Variants in PTPRD observed in about 807,000 individuals in gnomAD.
PTPRD encodes the protein protein tyrosine phosphatase receptor type D, also known as receptor-type tyrosine-protein phosphatase delta.
In PTPRD, 34 loss-of-function variants were observed where a neutral mutation model predicts 214.5. The observed-to-expected ratio is 0.16, with a 90% CI of 0.12 to 0.21. The LOEUF (loss-of-function observed/expected upper bound fraction) is 0.21, where lower values mean the gene tolerates loss of function less well. Among genes scored for constraint, PTPRD ranks in the 10% least tolerant of loss-of-function variants. PTPRD has a pLI of 1.00. For missense variants in PTPRD, 2,545 were observed against 2,398.7 expected (o/e 1.06, Z -1.27); for synonymous variants, 1,128 against 845.7 (o/e 1.33, Z -5.79).
chr9:8,730,368 G>T (rs1387715626), intron 12 of PTPRD, among the ~76,000 whole-genome samples: 1 of 152,146 alleles, frequency 6.6e-6, no homozygotes, highest in East Asian at 1.9e-4. Flanking sequence ...GTGGAAAAAT[G>T]ACAAAAAGCA....
At chr9:10,530,954 AT>A (rs976744631) in intron 2 of PTPRD, among the ~76,000 whole-genome samples, 101 of 146,192 alleles carry the variant, frequency 6.9e-4, no homozygotes, top group East Asian at 1.2e-3. Flanking sequence ...TCAGTAGACA[AT>A]TTTTTTTTTT....
intron 5 of PTPRD, among the ~76,000 whole-genome samples, chr9:9,797,427 A>G (rs2099010029): frequency 6.6e-6 from 1 of 152,056 alleles, no homozygotes; most frequent in Non-Finnish European, 1.5e-5. Flanking sequence ...GTAGTAGTTA[A>G]GATTAGAAGG....
chr9:8,816,310 G>C (rs1426366262), intron 11 of PTPRD, among the ~76,000 whole-genome samples: 2 of 152,154 alleles, frequency 1.3e-5, no homozygotes, highest in African/African-American at 4.8e-5. Flanking sequence ...GTCTGCGAGA[G>C]GCTCCTATTA....
At chr9:9,461,440 T>C (rs561236811) in intron 8 of PTPRD, among the ~76,000 whole-genome samples, 4 of 151,998 alleles carry the variant, frequency 2.6e-5, no homozygotes, top group African/African-American at 2.4e-5. Context: ...TCAAGTCAAG[T>C]AGCCCAGGGA....
At chr9:9,485,369 A>G (rs2095584197) in intron 8 of PTPRD, among the ~76,000 whole-genome samples, 1 of 152,218 alleles carries the variant, frequency 6.6e-6, no homozygotes, top group Admixed American at 6.5e-5. Context: ...GGAATAAAAA[A>G]TAATATTCAT....
intron 8 of PTPRD, among the ~76,000 whole-genome samples, chr9:9,418,850 T>A (rs1367542180): frequency 1.3e-5 from 2 of 151,920 alleles, no homozygotes; most frequent in East Asian, 3.8e-4. Flanking sequence ...GAAGAAATGA[T>A]TAATTTTGCA....
At chr9:10,223,692 A>ATT (rs75442623) in intron 3 of PTPRD, among the ~76,000 whole-genome samples, 35 of 147,166 alleles carry the variant, frequency 2.4e-4, no homozygotes, top group African/African-American at 7.1e-4. Context: ...TAATAATAAT[A>ATT]ATAATAATAA....
chr9:9,237,711 C>T (rs2099967768), intron 9 of PTPRD, among the ~76,000 whole-genome samples: 1 of 151,928 alleles, frequency 6.6e-6, no homozygotes, highest in Non-Finnish European at 1.5e-5. Flanking sequence ...TTTTTGTAGG[C>T]CTCTCTCTTC....
intron 9 of PTPRD, among the ~76,000 whole-genome samples, chr9:9,319,771 T>C (rs1595722056): frequency 1.3e-5 from 2 of 152,160 alleles, no homozygotes; most frequent in South Asian, 4.1e-4. Flanking sequence ...GTAGTGATAA[T>C]TAAAATAAGA....
intron 9 of PTPRD, among the ~76,000 whole-genome samples, chr9:9,241,235 T>C (rs1018578684): frequency 6.6e-6 from 1 of 152,192 alleles, no homozygotes; most frequent in African/African-American, 2.4e-5. Context: ...TTTTAAGCTA[T>C]CTATTTGTTA....
chr9:10,457,530 A>G (rs1029182472), intron 2 of PTPRD, among the ~76,000 whole-genome samples: 2 of 152,028 alleles, frequency 1.3e-5, no homozygotes, highest in Non-Finnish European at 2.9e-5. Flanking sequence ...TTCTTCTACT[A>G]TTGACAGACA....
At chr9:8,733,411 TAAAG>T (rs1318652150) in intron 12 of PTPRD, among the ~76,000 whole-genome samples, 1 of 152,122 alleles carries the variant, frequency 6.6e-6, no homozygotes. Flanking sequence ...TCCACAAAAA[TAAAG>T]AAATTTTGAG....
chr9:8,793,088 G>T (rs1181870006), intron 11 of PTPRD, among the ~76,000 whole-genome samples: 4 of 152,194 alleles, frequency 2.6e-5, no homozygotes, highest in Admixed American at 2.6e-4. Context: ...TACCTGGGTA[G>T]CCAGCCTCCT....
rs199989782 is a variant in PTPRD at position 8,821,373 on chromosome 9, T to A, written c.-103-87427A>T. ...GACTCCTGTTACCTGCTGTGCTGAA[T>A]GTGGGTGCCATAGTCTACCCCACGC... On this transcript the variant is annotated intron_variant, in intron 11 of 45. Transcript: ENST00000381196. 9.2e-5 allele frequency among the ~76,000 whole-genome samples: 14 copies of A among 152,308 alleles called. No individual in the cohort carries two copies. The East Asian group carries it at 2.7e-3, about 29-fold the overall frequency.
intron 11 of PTPRD, among the ~76,000 whole-genome samples, chr9:8,749,945 T>C (rs1038410817): frequency 4.0e-5 from 6 of 151,586 alleles, no homozygotes; most frequent in Non-Finnish European, 7.4e-5. Flanking sequence ...CTCCTAAAAA[T>C]ACAAAAAATG....
intron 5 of PTPRD, among the ~76,000 whole-genome samples, chr9:9,837,976 T>C (rs149513335): frequency 6.6e-6 from 1 of 152,132 alleles, no homozygotes; most frequent in Non-Finnish European, 1.5e-5. Flanking sequence ...TGTCCATGTG[T>C]TCTCATTGCT....
At chr9:8,357,864 A>G (rs1178346415) in intron 39 of PTPRD, among the ~76,000 whole-genome samples, 3 of 152,168 alleles carry the variant, frequency 2.0e-5, no homozygotes, top group Non-Finnish European at 2.9e-5. Context: ...ACCCTGACAA[A>G]ATGAATGTAA....
At chr9:8,512,050 A>T (rs2097693366) in intron 21 of PTPRD, among the ~76,000 whole-genome samples, 1 of 152,142 alleles carries the variant, frequency 6.6e-6, no homozygotes, top group Non-Finnish European at 1.5e-5. Flanking sequence ...GCTAAACAAC[A>T]GTTTCATCTT....
intron 9 of PTPRD, among the ~76,000 whole-genome samples, chr9:9,282,873 C>G (rs1948194041): frequency 6.6e-6 from 1 of 151,406 alleles, no homozygotes; most frequent in Admixed American, 6.6e-5. Flanking sequence ...CTGTTAGGAG[C>G]ACATTATAAG....
Sources: allele counts gnomAD v4.1 joint callset (sites outside exome capture counted in the v4.1 genomes callset), GRCh38; gene constraint gnomAD v4.1.1; transcripts MANE v1.5; gene names NCBI Gene and HGNC (gene_info 2026-07-23, HGNC 2026-07-21).